PTPRD: variants seen among roughly 807,000 people sequenced by gnomAD.
PTPRD encodes receptor-type tyrosine-protein phosphatase delta.
PTPRD carries 34 observed loss-of-function variants against 214.5 expected under a neutral mutation model. The observed-to-expected ratio is 0.16, with a 90% CI of 0.12 to 0.21. PTPRD has a LOEUF of 0.21. PTPRD is among the 10% of genes least tolerant of loss of function. PTPRD has a pLI of 1.00. For synonymous variants in PTPRD, 1,128 were observed against 845.7 expected (o/e 1.33, Z -5.79); for missense variants, 2,545 against 2,398.7 (o/e 1.06, Z -1.27).
intron 5 of PTPRD, among the ~76,000 whole-genome samples, chr9:9,899,664 G>A (rs1313546801): frequency 6.6e-6 from 1 of 151,684 alleles, no homozygotes; most frequent in Non-Finnish European, 1.5e-5. Context: ...ATTAAAAATA[G>A]AACCACCATA....
intron 3 of PTPRD, among the ~76,000 whole-genome samples, chr9:10,313,776 A>G (rs2096339440): frequency 6.6e-6 from 1 of 151,956 alleles, no homozygotes; most frequent in Non-Finnish European, 1.5e-5. Context: ...TTCAAAATTT[A>G]GCTAAACTAA....
intron 11 of PTPRD, chr9:8,859,810 T>TGGG (rs896474371): frequency 6.8e-6 from 1 of 147,116 alleles, no homozygotes; most frequent in Non-Finnish European, 1.5e-5. Context: ...AATTTGGGGG[T>TGGG]GGGGGAGGAG....
At chr9:8,339,244 G>C (rs985113420) in intron 42 of PTPRD, among the ~76,000 whole-genome samples, 197 bp from the exon 43 acceptor site, 1 of 152,096 alleles carries the variant, frequency 6.6e-6, no homozygotes, top group Non-Finnish European at 1.5e-5. Flanking sequence ...CTTTGGTTCA[G>C]TATTTGCCTA....
At chr9:9,873,048 T>G (rs1249579645) in intron 5 of PTPRD, among the ~76,000 whole-genome samples, 4 of 152,124 alleles carry the variant, frequency 2.6e-5, no homozygotes, top group Admixed American at 2.6e-4. Flanking sequence ...AGAAATAATC[T>G]ATATAATAGG....
chr9:10,170,635 C>T (rs1461184075), intron 3 of PTPRD, among the ~76,000 whole-genome samples: 2 of 152,058 alleles, frequency 1.3e-5, no homozygotes, highest in Non-Finnish European at 2.9e-5. Context: ...TGCAGTGAGT[C>T]GAGATCGCAC....
At chr9:9,023,427 C>A (rs2154371231) in intron 10 of PTPRD, among the ~76,000 whole-genome samples, 1 of 152,118 alleles carries the variant, frequency 6.6e-6, no homozygotes, top group South Asian at 2.1e-4. Context: ...ATGATAAACA[C>A]AAAACGCCTA....
chr9:10,547,913 T>C (rs967586958), intron 2 of PTPRD, among the ~76,000 whole-genome samples: 7 of 152,056 alleles, frequency 4.6e-5, no homozygotes, highest in African/African-American at 1.7e-4. Flanking sequence ...TGTAGTTGCA[T>C]GGTAATTTCA....
At position 8,485,788 on chromosome 9, in the gene PTPRD, T is replaced by C. The variant is rs777724681; in HGVS notation, c.3029A>G (p.Gln1010Arg). 23 of 1,613,294 alleles carry C rather than the reference T, an allele frequency of 1.4e-5. No individual in the cohort carries two copies. The highest frequency in any genetic ancestry group is 1.9e-5 in the Non-Finnish European group (23 of 1,179,812). ...TTGATCCACAGGCAGTGTCCTGAAC[T>C]GGACACTGGGACTATATGGCCCGGG... ...KGPGPYSPSV[Q>R]FRTLPVDQVF... The change falls in exon 28 of 46, where the codon CAG becomes CGG. Residue 1010 changes from glutamine (Q) to arginine (R), a missense_variant. Physicochemically the swap from Gln to Arg is conservative, Grantham distance 43. Transcript: ENST00000381196.
chr9:10,169,337 G>A (rs2099184159), intron 3 of PTPRD, among the ~76,000 whole-genome samples: 1 of 151,562 alleles, frequency 6.6e-6, no homozygotes, highest in Non-Finnish European at 1.5e-5. Context: ...AGCCGGGCGT[G>A]GTGGCGGGCA....
chr9:8,401,373 C>T (rs937880480), intron 36 of PTPRD, among the ~76,000 whole-genome samples: 4 of 152,034 alleles, frequency 2.6e-5, no homozygotes, highest in African/African-American at 9.7e-5. Context: ...ACAATAAATC[C>T]TATTGCCCTC....
intron 5 of PTPRD, among the ~76,000 whole-genome samples, chr9:9,900,644 T>TTTTTTTTTGTTTTCTTTG (rs369510362): frequency 5.2e-4 from 75 of 143,930 alleles, no homozygotes; most frequent in Non-Finnish European, 9.3e-4. Flanking sequence ...TTTTCAGGTT[T>TTTTTTTTTGTTTTCTTTG]TTTTTTTTTT....
chr9:10,522,162 A>G (rs1323326197), intron 2 of PTPRD, among the ~76,000 whole-genome samples: 1 of 152,192 alleles, frequency 6.6e-6, no homozygotes, highest in African/African-American at 2.4e-5. Flanking sequence ...ACCTCCTCCC[A>G]GTGCTACTCC....
At chr9:9,332,892 C>T (rs919767593) in intron 9 of PTPRD, among the ~76,000 whole-genome samples, 3 of 151,932 alleles carry the variant, frequency 2.0e-5, no homozygotes, top group Non-Finnish European at 4.4e-5. Flanking sequence ...AGAAAGAATG[C>T]TAACATTAAT....
intron 6 of PTPRD, among the ~76,000 whole-genome samples, chr9:9,738,021 A>G (rs1027523612): frequency 1.3e-5 from 2 of 149,836 alleles, no homozygotes; most frequent in African/African-American, 4.9e-5. Flanking sequence ...CAAACACCGC[A>G]TGTTCTCACT....
At chr9:9,523,326 G>A (rs1028556487) in intron 8 of PTPRD, among the ~76,000 whole-genome samples, 5 of 151,958 alleles carry the variant, frequency 3.3e-5, no homozygotes, top group African/African-American at 1.2e-4. Context: ...CACTACATAT[G>A]AAAAATCACA....
intron 13 of PTPRD, among the ~76,000 whole-genome samples, chr9:8,634,479 CAG>C (rs1595749340): frequency 6.6e-6 from 1 of 151,950 alleles, no homozygotes; most frequent in Non-Finnish European, 1.5e-5. Context: ...TATATTAACA[CAG>C]AGAGGAAGGA....
chr9:10,286,269 C>CT (rs1006010855), intron 3 of PTPRD, among the ~76,000 whole-genome samples: 2 of 151,852 alleles, frequency 1.3e-5, no homozygotes, highest in African/African-American at 4.8e-5. Context: ...AGCAAAACCC[C>CT]GTCTCTACAA....
intron 3 of PTPRD, among the ~76,000 whole-genome samples, chr9:10,279,026 G>A (rs1005235524): frequency 3.3e-5 from 5 of 152,040 alleles, no homozygotes; most frequent in East Asian, 1.9e-4. Context: ...TGCCCGCCTT[G>A]GCCTCCCAAA....
chr9:9,877,419 CTTTAA>C (rs61205502), intron 5 of PTPRD, among the ~76,000 whole-genome samples: 8,780 of 152,078 alleles, frequency 0.058, 775 homozygotes, highest in African/African-American at 0.2. Context: ...AGAGGAGAAA[CTTTAA>C]TTTGTGATAT....
Sources: gnomAD v4.1 joint callset for allele counts (sites outside exome capture counted in the v4.1 genomes callset) on GRCh38, gnomAD v4.1.1 for gene constraint, MANE v1.5 for transcripts, NCBI Gene and HGNC (gene_info 2026-07-23, HGNC 2026-07-21) for gene names.